Variants in MED27 observed in about 807,000 individuals in gnomAD.
The protein encoded by MED27 is mediator complex subunit 27.
A neutral mutation model predicts 38.2 loss-of-function variants in MED27; 30 were observed. The observed-to-expected ratio is 0.79, with a 90% CI of 0.59 to 1.07. The LOEUF (loss-of-function observed/expected upper bound fraction) is 1.07. MED27 is among the 50% of genes least tolerant of loss of function. MED27 has a pLI of 0.00. For synonymous variants in MED27, 122 were observed against 153.5 expected, an observed-to-expected ratio of 0.79 and a Z score of 1.52; for missense variants, 289 against 397.5, an observed-to-expected ratio of 0.73 and a Z score of 2.32.
chr9:131,996,746 C>G (rs953606282), intron 3 of MED27, among the ~76,000 whole-genome samples: 52 of 152,182 alleles, frequency 3.4e-4, no homozygotes, highest in Admixed American at 1.8e-3. Flanking sequence ...CCTGAGACAG[C>G]AAGACCAACC....
intron 4 of MED27, among the ~76,000 whole-genome samples, chr9:131,907,512 A>C (rs1830089741): frequency 1.3e-5 from 2 of 152,036 alleles, no homozygotes; most frequent in Non-Finnish European, 2.9e-5. Context: ...AGCCTCGTTC[A>C]CTCAGTGCTC....
At chr9:131,886,058 A>C (rs1047650447) in intron 5 of MED27, among the ~76,000 whole-genome samples, 5 of 152,204 alleles carry the variant, frequency 3.3e-5, no homozygotes, top group Non-Finnish European at 7.3e-5. Context: ...GTCCTTTAAG[A>C]AGACAGGACA....
chr9:131,919,963 C>A (rs778264874), intron 4 of MED27, among the ~76,000 whole-genome samples: 4 of 151,942 alleles, frequency 2.6e-5, no homozygotes, highest in Non-Finnish European at 5.9e-5. Flanking sequence ...ATATGCATCA[C>A]CATGCCTGAC....
At chr9:131,909,137 G>A (rs1262451992) in intron 4 of MED27, among the ~76,000 whole-genome samples, 1 of 152,142 alleles carries the variant, frequency 6.6e-6, no homozygotes, top group Non-Finnish European at 1.5e-5. Flanking sequence ...AAGCCTGCAG[G>A]CTTCTGGTTT....
chr9:132,060,142 A>G (rs1564344557), intron 2 of MED27, among the ~76,000 whole-genome samples: 1 of 152,046 alleles, frequency 6.6e-6, no homozygotes, highest in African/African-American at 2.4e-5. Flanking sequence ...TTCAGTTTCC[A>G]TTTTTTTTGT....
chr9:131,913,162 T>A lies in MED27; in HGVS notation c.574-19170A>T, dbSNP rs887757272. ...CATTTGATCAAAACCATTATTCTTTTAAAAAACTTCACTCATTTCAATACA... is the reference window on the plus strand; with the variant it reads ...CATTTGATCAAAACCATTATTCTTTAAAAAAACTTCACTCATTTCAATACA... On this transcript the variant is annotated intron_variant, in intron 4 of 7. Transcript: ENST00000292035. The surrounding 1 kb of genome is among the most constrained non-coding windows in gnomAD (Gnocchi z 4.5). 1.3e-5 allele frequency among the ~76,000 whole-genome samples: 2 copies of A among 152,204 alleles called. No homozygotes were observed. The highest frequency in any genetic ancestry group is 4.8e-5 in the African/African-American group (2 of 41,462).
chr9:132,070,373 T>G (rs925272872), intron 2 of MED27, among the ~76,000 whole-genome samples: 2 of 152,034 alleles, frequency 1.3e-5, no homozygotes, highest in African/African-American at 4.8e-5. Context: ...CTGGGCGACA[T>G]AGTGAGACCC....
chr9:131,871,041 G>A (rs1429973486), intron 6 of MED27, among the ~76,000 whole-genome samples: 2 of 152,192 alleles, frequency 1.3e-5, no homozygotes, highest in African/African-American at 4.8e-5. Context: ...GGTGCAGGGC[G>A]GGGAGAGTGG....
At chr9:131,901,615 G>A (rs185454365) in intron 4 of MED27, among the ~76,000 whole-genome samples, 1 of 152,150 alleles carries the variant, frequency 6.6e-6, no homozygotes, top group Non-Finnish European at 1.5e-5. Context: ...CTAATTCACC[G>A]CACATTTTGA....
chr9:131,996,273 C>T (rs1832088248), intron 3 of MED27, among the ~76,000 whole-genome samples: 1 of 152,134 alleles, frequency 6.6e-6, no homozygotes, highest in South Asian at 2.1e-4. Flanking sequence ...TCGATTTTGA[C>T]CGTGAATGAA....
chr9:131,972,899 A>T (rs1246874198), intron 3 of MED27, among the ~76,000 whole-genome samples: 2 of 152,192 alleles, frequency 1.3e-5, no homozygotes, highest in Non-Finnish European at 2.9e-5. Flanking sequence ...AATACAAAAA[A>T]TTAGCCAGGT....
At chr9:131,960,796 T>C (rs763293704) in intron 3 of MED27, among the ~76,000 whole-genome samples, 7 of 151,994 alleles carry the variant, frequency 4.6e-5, no homozygotes, top group Middle Eastern at 3.4e-3. Context: ...AAATAAGAGA[T>C]GAGATGACAC....
chr9:131,948,119 T>C (rs532093834), intron 3 of MED27, among the ~76,000 whole-genome samples: 30 of 152,348 alleles, frequency 2.0e-4, no homozygotes, highest in Admixed American at 1.6e-3. Flanking sequence ...TTCTCAGATT[T>C]ATAAAATATT....
intron 3 of MED27, among the ~76,000 whole-genome samples, chr9:131,964,294 T>C (rs376594679): frequency 2.4e-5 from 3 of 122,824 alleles, no homozygotes; most frequent in African/African-American, 6.2e-5. Flanking sequence ...TGGTGGTTGA[T>C]AGCGATTGTG....
chr9:131,921,958 GTGGGAACTGAATAA>G (rs1652203012), intron 4 of MED27, among the ~76,000 whole-genome samples: 1 of 150,142 alleles, frequency 6.7e-6, no homozygotes, highest in South Asian at 2.1e-4. Context: ...TCACTCATAG[GTGGGAACTGAATAA>G]TGAGAACACT....
intron 2 of MED27, among the ~76,000 whole-genome samples, chr9:132,027,928 C>A (rs1832859684): frequency 6.6e-6 from 1 of 152,318 alleles, no homozygotes; most frequent in East Asian, 1.9e-4. Context: ...CTGGGCACAG[C>A]ACCCATGCTG....
rs903582658 is a variant in MED27 at position 131,917,546 on chromosome 9, C to T, written c.573+21835G>A. 2.0e-5 allele frequency among the ~76,000 whole-genome samples: 3 copies of T among 151,426 alleles called. No individual in the cohort carries two copies. The highest frequency in any genetic ancestry group is 7.3e-5 in the African/African-American group (3 of 41,152). On this transcript the variant is annotated intron_variant, in intron 4 of 7. Coordinates refer to ENST00000292035, the MANE Select transcript of MED27 (RefSeq NM_004269.4). This position sits in a 1 kb window ranked among gnomAD's most constrained non-coding sequence, Gnocchi z 4.6. Reference sequence around the variant, plus strand: ...GGGTTCAGACGACAGGAGATGAGAGCAGTGAAGATGGGGTGGGGGGCTAGT... The same window carrying T: ...GGGTTCAGACGACAGGAGATGAGAGTAGTGAAGATGGGGTGGGGGGCTAGT...
At chr9:131,959,119 T>C (rs551000489) in intron 3 of MED27, among the ~76,000 whole-genome samples, 1 of 152,366 alleles carries the variant, frequency 6.6e-6, no homozygotes, top group South Asian at 2.1e-4. Context: ...AAGACAGTGC[T>C]GTAGTTTAGA....
At position 132,037,718 on chromosome 9, in the gene MED27, C is replaced by CA. The variant is rs112338794; in HGVS notation, c.349-23252dup. ...GTGATGGGAAATGACAATGGCATTG[C>CA]AAAGAGGCTCTGGAAACATCACCAA... is the stretch of plus-strand genomic sequence containing the variant. On this transcript the variant is annotated intron_variant, in intron 2 of 7. Coordinates refer to ENST00000292035, the MANE Select transcript of MED27 (RefSeq NM_004269.4). Among the ~76,000 whole-genome samples the CA allele has an allele frequency of 9.5e-3, 1,448 of 152,220 alleles. 5 individuals are homozygous for CA. Among genetic ancestry groups the CA allele is most frequent in the Middle Eastern group, 0.034 (10 of 294 alleles).
Sources: allele counts gnomAD v4.1 joint callset (sites outside exome capture counted in the v4.1 genomes callset), GRCh38; gene constraint gnomAD v4.1.1; non-coding constraint Gnocchi (gnomAD v3.1); transcripts MANE v1.5; gene names NCBI Gene and HGNC (gene_info 2026-07-23, HGNC 2026-07-21).